Variants in PALS2 observed in about 807,000 individuals in gnomAD.
PALS2 encodes the protein protein PALS2.
Under a neutral mutation model 61.6 loss-of-function variants are expected in PALS2, and 27 were observed. That is an observed-to-expected ratio of 0.44 (90% CI 0.32 to 0.60). PALS2 has a LOEUF of 0.60. Among genes scored for constraint, PALS2 ranks in the 20% least tolerant of loss-of-function variants. The pLI is 0.05. For synonymous variants in PALS2, 236 were observed against 218.6 expected (o/e 1.08, Z -0.70); for missense variants, 554 against 639.4 (o/e 0.87, Z 1.44).
Position 24,600,318 on chromosome 7 carries a change from T to C in PALS2, c.-2-23348T>C, listed in dbSNP as rs116117871. Among the ~76,000 whole-genome samples, 543 of 152,332 alleles carry C rather than the reference T, an allele frequency of 3.6e-3. 5 individuals are homozygous for C. Among genetic ancestry groups the C allele is most frequent in the African/African-American group, 0.012 (516 of 41,580 alleles). ...GAACCACTGTTGTATATGTAGTCTTTGGTCGACTGAAATAATGTTATGTGG... is the reference window on the plus strand; with the variant it reads ...GAACCACTGTTGTATATGTAGTCTTCGGTCGACTGAAATAATGTTATGTGG... On this transcript the variant is annotated intron_variant, in intron 1 of 11. Coordinates refer to ENST00000222644, the MANE Select transcript of PALS2 (RefSeq NM_001303037.2).
At chr7:24,685,046 C>G (rs1788123536) in intron 11 of PALS2, among the ~76,000 whole-genome samples, 1 of 151,780 alleles carries the variant, frequency 6.6e-6, no homozygotes, top group Non-Finnish European at 1.5e-5. Context: ...CCGCACAGAT[C>G]AACCCATCAT....
At chr7:24,641,602 A>G (rs1457612394) in intron 2 of PALS2, 114 bp from the exon 3 acceptor site, 6 of 898,556 alleles carry the variant, frequency 6.7e-6, no homozygotes, top group Admixed American at 3.3e-5. Context: ...TTTGGTTTAC[A>G]TGAATTAAAT....
In PALS2 at chr7:24,687,145, A is replaced by G. The variant is rs149384039; in HGVS notation, c.1447-293A>G. Among the ~76,000 whole-genome samples, 15 of 152,344 alleles carry G rather than the reference A, an allele frequency of 9.8e-5. No individual in the cohort carries two copies. Among genetic ancestry groups the G allele is most frequent in the African/African-American group, 2.9e-4 (12 of 41,580 alleles). ...CCTGCAGTAATTGTTTTGTTACTGT[A>G]GATTCATTCCAAGATTATTTTCAGC... On this transcript the variant is annotated intron_variant, in intron 11 of 11. Transcript: ENST00000222644. The surrounding 1 kb of genome is among the most constrained non-coding windows in gnomAD (Gnocchi z 4.5).
chr7:24,632,881 CTCTT>C (rs1291247445), intron 2 of PALS2, among the ~76,000 whole-genome samples: 1 of 151,946 alleles, frequency 6.6e-6, no homozygotes, highest in Non-Finnish European at 1.5e-5. Flanking sequence ...AATTTTCTCT[CTCTT>C]AGCATGTTAG....
At chr7:24,589,208 G>T (rs1783189213) in intron 1 of PALS2, 1 of 152,088 alleles carries the variant, frequency 6.6e-6, no homozygotes, top group Admixed American at 6.6e-5. Context: ...ACCTGTACAG[G>T]TGTTTCATTA....
At chr7:24,641,907 T>C (rs1482710938) in intron 3 of PALS2, 39 bp downstream of exon 3, 5 of 1,582,548 alleles carry the variant, frequency 3.2e-6, no homozygotes, top group Admixed American at 1.8e-5. Flanking sequence ...GTTCCCTGTA[T>C]TCCCAAAGTA....
rs1194986685 is a variant in PALS2, at chr7:24,691,573, CTT to C, written c.*3965_*3966del. On this transcript the variant is annotated 3_prime_UTR_variant, in exon 12 of 12. Coordinates refer to ENST00000222644, the MANE Select transcript of PALS2 (RefSeq NM_001303037.2). ...CTCCCATTTCTTTGACATTCTGAAA[CTT>C]TTTTTAGATTGTTTTAAAACGCTCT... is the stretch of plus-strand genomic sequence containing the variant. 6.0e-5 allele frequency: 9 copies of C among 151,120 alleles called. No individual in the cohort carries two copies. Among genetic ancestry groups the C allele is most frequent in the African/African-American group, 2.2e-4 (9 of 41,226 alleles). 9.4% of individuals were successfully genotyped at this position (151,120 alleles called of 1,614,324 possible).
Position 24,691,405 on chromosome 7 carries a change from G to GTGTGTGTGTGTGTGTGTATATA in PALS2, c.*3792_*3793insGTGTGTGTGTGTGTGTATATAT, listed in dbSNP as rs1274329385. 4.5e-5 allele frequency: 5 copies of GTGTGTGTGTGTGTGTGTATATA among 110,596 alleles called. No homozygotes were observed. The highest frequency in any genetic ancestry group is 1.5e-4 in the African/African-American group (5 of 32,380). The allele number at this position is 110,596 out of a possible 1,614,324, so 6.9% of individuals were successfully genotyped here. A position where few individuals can be genotyped will look rare whatever the true frequency, so the allele number is the denominator to read the frequency against. ...ATATTATGTATGTGTGTGTGTGTGT[G>GTGTGTGTGTGTGTGTGTATATA]TATATATATATATATATATATATAT... On this transcript the variant is annotated 3_prime_UTR_variant, in exon 12 of 12. Transcript: ENST00000222644.
chr7:24,602,941 C>T (rs776417409), intron 1 of PALS2, among the ~76,000 whole-genome samples: 7 of 152,158 alleles, frequency 4.6e-5, no homozygotes, highest in Non-Finnish European at 8.8e-5. Flanking sequence ...ATTCTCTTTC[C>T]TGCTGCCCTG....
At chr7:24,656,092 G>A (rs1423734339) in intron 5 of PALS2, among the ~76,000 whole-genome samples, 2 of 152,178 alleles carry the variant, frequency 1.3e-5, no homozygotes, top group Non-Finnish European at 2.9e-5. Flanking sequence ...TCTTAGCAAT[G>A]ATAATCACTT....
chr7:24,645,236 G>C (rs1423604838), intron 3 of PALS2, among the ~76,000 whole-genome samples: 1 of 151,912 alleles, frequency 6.6e-6, no homozygotes, highest in South Asian at 2.1e-4. Flanking sequence ...TATTGCGCAG[G>C]TTGTCTTCTG....
rs1183300684 is a variant in PALS2 at position 24,575,158 on chromosome 7, A to G, written c.-3+1565A>G. Among the ~76,000 whole-genome samples, 4 of 152,268 alleles carry G rather than the reference A, an allele frequency of 2.6e-5. No homozygotes were observed. The East Asian group carries it at 7.7e-4, about 29-fold the overall frequency. On this transcript the variant is annotated intron_variant, in intron 1 of 11. Transcript: ENST00000222644. ...TAATACACAAATGGTAACACTTTTA[A>G]TTGCTCAATTTTGTCCTATGGAGAC...
At chr7:24,593,632 T>C (rs1783385451) in intron 1 of PALS2, among the ~76,000 whole-genome samples, 1 of 152,134 alleles carries the variant, frequency 6.6e-6, no homozygotes, top group South Asian at 2.1e-4. Flanking sequence ...CTGCTGTGCA[T>C]GTCTATCAGA....
chr7:24,649,401 T>C (rs1786021833), intron 3 of PALS2, among the ~76,000 whole-genome samples: 1 of 152,144 alleles, frequency 6.6e-6, no homozygotes, highest in African/African-American at 2.4e-5. Flanking sequence ...AAAGAAGGAA[T>C]ATAATATTGT....
chr7:24,577,823 T>TCC, intron 1 of PALS2, among the ~76,000 whole-genome samples: 1 of 152,322 alleles, frequency 6.6e-6, no homozygotes, highest in South Asian at 2.1e-4. Context: ...CCATTACCTT[T>TCC]TTTACTTAAA....
chr7:24,640,199 G>A (rs1785452170), intron 2 of PALS2, among the ~76,000 whole-genome samples: 1 of 150,862 alleles, frequency 6.6e-6, no homozygotes, highest in African/African-American at 2.4e-5. Context: ...TGTTTAGTAA[G>A]AGTTTTTTCT....
At chr7:24,665,810 T>C in intron 7 of PALS2, 123 bp downstream of exon 7, 1 of 990,812 alleles carries the variant, frequency 1.0e-6, no homozygotes, top group Non-Finnish European at 1.5e-6. Flanking sequence ...TCCCTCTGCT[T>C]TCTCTCGCTC....
chr7:24,669,490 A>G (rs1287984885), intron 9 of PALS2, among the ~76,000 whole-genome samples: 1 of 152,224 alleles, frequency 6.6e-6, no homozygotes, highest in East Asian at 1.9e-4. Context: ...TGAAGAAAGC[A>G]GGAGATAAGC....
rs886504029 is a variant in PALS2 at position 24,691,202 on chromosome 7, A to C, written c.*3588A>C. ...AACAATTTTGAAAATTGCTCAAAAT[A>C]ATAATCTACTTAAATTTTACTTTTG... On this transcript the variant is annotated 3_prime_UTR_variant, in exon 12 of 12. Coordinates refer to ENST00000222644, the MANE Select transcript of PALS2 (RefSeq NM_001303037.2). 4.0e-5 allele frequency: 6 copies of C among 151,896 alleles called. No homozygotes were observed. The highest frequency in any genetic ancestry group is 1.4e-4 in the African/African-American group (6 of 41,410). 9.4% of individuals were successfully genotyped at this position (151,896 alleles called of 1,614,324 possible).
Sources: allele counts gnomAD v4.1 joint callset (sites outside exome capture counted in the v4.1 genomes callset), GRCh38; gene constraint gnomAD v4.1.1; non-coding constraint Gnocchi (gnomAD v3.1); transcripts MANE v1.5; gene names NCBI Gene and HGNC (gene_info 2026-07-23, HGNC 2026-07-21).